DNAH9: variants seen among roughly 807,000 people sequenced by gnomAD.
DNAH9 encodes the protein dynein axonemal heavy chain 9.
DNAH9 carries 345 observed loss-of-function variants against 471.6 expected under a neutral mutation model. The ratio of observed to expected loss-of-function variants is 0.73; its 90% CI spans 0.67 to 0.80. The LOEUF is 0.80. Ranked by LOEUF, DNAH9 falls within the 30% of genes least tolerant of loss-of-function variation. The pLI is 0.00. For synonymous variants in DNAH9, 2,093 were observed against 2,123.6 expected, an observed-to-expected ratio of 0.99 and a Z score of 0.40; for missense variants, 5,407 against 5,609.2, an observed-to-expected ratio of 0.96 and a Z score of 1.15.
chr17:11,639,505 C>G (rs1027121382), intron 9 of DNAH9, among the ~76,000 whole-genome samples: 1 of 152,196 alleles, frequency 6.6e-6, no homozygotes, highest in Non-Finnish European at 1.5e-5. Context: ...TGTGCTGACT[C>G]GAGTCCAGGG....
rs541933176 is a variant in DNAH9 at position 11,623,715 on chromosome 17, A to T, written c.1350+3934A>T. Among the ~76,000 whole-genome samples, 26 of 152,228 alleles carry T rather than the reference A, an allele frequency of 1.7e-4. No homozygotes were observed. Among genetic ancestry groups the T allele is most frequent in the African/African-American group, 4.8e-4 (20 of 41,552 alleles). On this transcript the variant is annotated intron_variant, in intron 6 of 68. Coordinates refer to ENST00000262442, the MANE Select transcript of DNAH9 (RefSeq NM_001372.4). The surrounding 1 kb of genome is among the most constrained non-coding windows in gnomAD (Gnocchi z 4.1). ...AATTATCATGAACTTAGCCTTATTC[A>T]TCTTCTATTCTAATACAATCTATGG...
chr17:11,775,534 T>C (rs1251694802), intron 38 of DNAH9, among the ~76,000 whole-genome samples: 1 of 151,824 alleles, frequency 6.6e-6, no homozygotes. Flanking sequence ...CCAGGGGGAC[T>C]TTTTGCAGCT....
intron 57 of DNAH9, among the ~76,000 whole-genome samples, chr17:11,887,969 T>C (rs989677536): frequency 6.6e-5 from 10 of 151,376 alleles, no homozygotes; most frequent in African/African-American, 1.7e-4. Flanking sequence ...ACTGTGTTTA[T>C]AATATTTTAT....
intron 62 of DNAH9, among the ~76,000 whole-genome samples, chr17:11,926,035 G>GAAAAAAAAAAAAAAAAAAAAAAAAAA (rs71142253): frequency 1.7e-5 from 1 of 59,916 alleles, no homozygotes; most frequent in Non-Finnish European, 2.8e-5. Flanking sequence ...GAGATTCTCT[G>GAAAAAAAAAAAAAAAAAAAAAAAAAA]AAAAAAAAAA....
At chr17:11,957,092 A>G (rs1265490711) in intron 67 of DNAH9, among the ~76,000 whole-genome samples, 1 of 152,138 alleles carries the variant, frequency 6.6e-6, no homozygotes, top group East Asian at 1.9e-4. Flanking sequence ...ATATCATCAT[A>G]AATCCTATAG....
intron 56 of DNAH9, 88 bp downstream of exon 56, chr17:11,883,838 T>G: frequency 7.1e-7 from 1 of 1,415,082 alleles, no homozygotes; most frequent in Non-Finnish European, 9.5e-7. Flanking sequence ...AGTCTGACTT[T>G]TAGAAAAATG....
intron 41 of DNAH9, among the ~76,000 whole-genome samples, chr17:11,790,055 T>G (rs1250526991): frequency 6.6e-6 from 1 of 152,034 alleles, no homozygotes; most frequent in Non-Finnish European, 1.5e-5. Flanking sequence ...AGACACTCTA[T>G]ATGGATTTAT....
At position 11,871,754 on chromosome 17, in the gene DNAH9, A is replaced by G. The variant is rs2150986200; in HGVS notation, c.10210A>G (p.Arg3404Gly). ...GAAATACCGGCAGAGCCTCCTGGAC[A>G]GAACTTGGAGGCCCTACCTGAGCCA... is the stretch of plus-strand genomic sequence containing the variant. ...TKKYRQSLLD[R>G]TWRPYLSQLK... Residue 3404 changes from arginine to glycine, a missense_variant, in exon 52 of 69, where the codon AGA (arginine) becomes GGA (glycine). Physicochemically the swap from Arg to Gly is moderately radical, Grantham distance 125. Coordinates refer to ENST00000262442, the MANE Select transcript of DNAH9 (RefSeq NM_001372.4). The G allele has an allele frequency of 6.2e-7, 1 of 1,614,182 alleles. No homozygotes were observed. The highest frequency in any genetic ancestry group is 8.5e-7 in the Non-Finnish European group (1 of 1,180,004).
chr17:11,772,226 A>AATT (rs1968235614), intron 38 of DNAH9, among the ~76,000 whole-genome samples: 1 of 151,410 alleles, frequency 6.6e-6, no homozygotes, highest in East Asian at 1.9e-4. Context: ...ACTAAATAGA[A>AATT]TAATAATTTA....
intron 49 of DNAH9, among the ~76,000 whole-genome samples, chr17:11,852,838 A>G (rs867379533): frequency 0.018 from 2,478 of 137,368 alleles, 185 homozygotes; most frequent in African/African-American, 0.055. Flanking sequence ...ATATATATAT[A>G]TATATATATA....
intron 11 of DNAH9, 117 bp downstream of exon 11, chr17:11,644,816 T>A (rs2073349536): frequency 1.4e-6 from 1 of 714,932 alleles, no homozygotes; most frequent in South Asian, 1.8e-5. Context: ...CTATGTTTTA[T>A]GTTATAACCA....
chr17:11,899,807 T>C (rs957417440), intron 59 of DNAH9, among the ~76,000 whole-genome samples: 2 of 152,140 alleles, frequency 1.3e-5, no homozygotes, highest in Non-Finnish European at 2.9e-5. Flanking sequence ...TCTCAGCCTG[T>C]CAAGAGCCCT....
chr17:11,661,535 C>T (rs1004354460), intron 14 of DNAH9, among the ~76,000 whole-genome samples: 2 of 152,038 alleles, frequency 1.3e-5, no homozygotes, highest in African/African-American at 4.8e-5. Flanking sequence ...TTTTGGGTAA[C>T]TGTATATTTT....
chr17:11,711,971 T>TAA (rs1567740388), intron 26 of DNAH9, among the ~76,000 whole-genome samples: 1 of 2,322 alleles, frequency 4.3e-4, no homozygotes, highest in Admixed American at 0.012. Context: ...TATATATATT[T>TAA]GTATATATAT....
intron 48 of DNAH9, among the ~76,000 whole-genome samples, chr17:11,824,784 A>T (rs1216212878): frequency 6.6e-6 from 1 of 151,704 alleles, no homozygotes; most frequent in Admixed American, 6.6e-5. Flanking sequence ...CTACAGTTTC[A>T]CAGAAACTGT....
At chr17:11,654,928 T>C (rs530279421) in intron 14 of DNAH9, among the ~76,000 whole-genome samples, 1 of 152,322 alleles carries the variant, frequency 6.6e-6, no homozygotes, top group African/African-American at 2.4e-5. Context: ...AGGGTAGTCA[T>C]AAAGGTCCCT....
chr17:11,946,008 G>GAGGTCAGGAGTTGGA (rs1179700080), intron 67 of DNAH9, among the ~76,000 whole-genome samples: 3 of 151,974 alleles, frequency 2.0e-5, no homozygotes, highest in Non-Finnish European at 2.9e-5. Context: ...AGACAAGCCT[G>GAGGTCAGGAGTTGGA]GCCAACATGG....
At chr17:11,747,978 T>A (rs553785437) in intron 32 of DNAH9, among the ~76,000 whole-genome samples, 1 of 152,180 alleles carries the variant, frequency 6.6e-6, no homozygotes, top group East Asian at 1.9e-4. Context: ...CTTGGGGACC[T>A]CTTCCAGCTG....
chr17:11,831,159 A>G (rs918624075), intron 48 of DNAH9, among the ~76,000 whole-genome samples: 2 of 152,214 alleles, frequency 1.3e-5, no homozygotes, highest in Non-Finnish European at 2.9e-5. Flanking sequence ...GCTATAAAGG[A>G]ATACCTAAGG....
Sources: allele counts gnomAD v4.1 joint callset (sites outside exome capture counted in the v4.1 genomes callset), GRCh38; gene constraint gnomAD v4.1.1; non-coding constraint Gnocchi (gnomAD v3.1); transcripts MANE v1.5; gene names NCBI Gene and HGNC (gene_info 2026-07-23, HGNC 2026-07-21).